COG5: variants seen among roughly 807,000 people sequenced by gnomAD.
COG5 encodes component of oligomeric golgi complex 5.
A neutral mutation model predicts 110.4 loss-of-function variants in COG5; 86 were observed. That is an observed-to-expected ratio of 0.78 (90% confidence interval 0.65 to 0.93). The LOEUF (loss-of-function observed/expected upper bound fraction) is 0.93, where lower values mean the gene tolerates loss of function less well. Ranked by LOEUF, COG5 falls within the 40% of genes least tolerant of loss-of-function variation. The probability of loss-of-function intolerance (pLI) is 0.00; values close to 1 mark genes in which losing one functional copy is unlikely to be tolerated. For missense variants in COG5, 1,077 were observed against 987.0 expected (o/e 1.09, Z -1.22); for synonymous variants, 360 against 334.6 (o/e 1.08, Z -0.83).
intron 5 of COG5, among the ~76,000 whole-genome samples, chr7:107,535,016 C>A (rs149700180): frequency 4.0e-5 from 6 of 151,748 alleles, no homozygotes; most frequent in Admixed American, 1.3e-4. Context: ...TTAAGAAATT[C>A]TCTCAAAACC....
intron 6 of COG5, among the ~76,000 whole-genome samples, chr7:107,417,056 C>T (rs1157451525): frequency 2.0e-5 from 3 of 152,082 alleles, no homozygotes; most frequent in African/African-American, 7.2e-5. Flanking sequence ...CAGCATATAT[C>T]CTCCTCCTGG....
chr7:107,327,773 G>T (rs1222658488), intron 10 of COG5, among the ~76,000 whole-genome samples: 2 of 152,144 alleles, frequency 1.3e-5, no homozygotes, highest in Non-Finnish European at 2.9e-5. Context: ...CCATTAGGAT[G>T]GCTACTATAA....
intron 18 of COG5, 67 bp from the exon 19 acceptor site, chr7:107,230,758 G>T: frequency 1.6e-6 from 2 of 1,250,044 alleles, no homozygotes; most frequent in South Asian, 1.2e-5. Flanking sequence ...GGAAAGACCC[G>T]GATCACAGAA....
intron 6 of COG5, among the ~76,000 whole-genome samples, chr7:107,523,243 C>A (rs571319531): frequency 1.3e-5 from 2 of 152,110 alleles, no homozygotes; most frequent in Non-Finnish European, 2.9e-5. Flanking sequence ...TTAGACTTAT[C>A]CTTAAGTCTG....
chr7:107,547,979 T>A (rs560024648), intron 5 of COG5, 132 bp downstream of exon 5: 1 of 750,002 alleles, frequency 1.3e-6, no homozygotes, highest in African/African-American at 1.8e-5. Context: ...GGCTTTTTAG[T>A]ATTTTTTTCT....
chr7:107,257,949 C>G (rs1803007349), intron 15 of COG5, among the ~76,000 whole-genome samples: 1 of 152,056 alleles, frequency 6.6e-6, no homozygotes, highest in African/African-American at 2.4e-5. Context: ...TAATTTACTA[C>G]CATCCACAGT....
At chr7:107,312,041 C>G (rs1808317976) in intron 11 of COG5, among the ~76,000 whole-genome samples, 1 of 151,800 alleles carries the variant, frequency 6.6e-6, no homozygotes, top group South Asian at 2.1e-4. Context: ...TTTCTGTGAA[C>G]CCATCCTAGC....
At chr7:107,348,188 T>G (rs1482911947) in intron 10 of COG5, among the ~76,000 whole-genome samples, 2 of 151,402 alleles carry the variant, frequency 1.3e-5, no homozygotes, top group Non-Finnish European at 2.9e-5. Context: ...ATTTTGATAG[T>G]TATGTCATCT....
intron 5 of COG5, among the ~76,000 whole-genome samples, chr7:107,531,177 T>G (rs1801176552): frequency 6.6e-6 from 1 of 152,190 alleles, no homozygotes; most frequent in Non-Finnish European, 1.5e-5. Context: ...TGTCCTAAAG[T>G]TTCCCACAGA....
At chr7:107,282,072 A>G (rs1805215905) in intron 13 of COG5, among the ~76,000 whole-genome samples, 1 of 152,048 alleles carries the variant, frequency 6.6e-6, no homozygotes, top group African/African-American at 2.4e-5. Context: ...AAAATAATAT[A>G]GAAACCCATA....
chr7:107,370,445 C>T (rs1814034334), intron 8 of COG5, among the ~76,000 whole-genome samples: 1 of 152,020 alleles, frequency 6.6e-6, no homozygotes, highest in African/African-American at 2.4e-5. Flanking sequence ...TCAATATAAA[C>T]AAGATCAGGA....
chr7:107,259,089 G>A (rs1021337988), intron 14 of COG5, among the ~76,000 whole-genome samples: 24 of 151,804 alleles, frequency 1.6e-4, no homozygotes, highest in Non-Finnish European at 2.5e-4. Context: ...TTAGGGAAAC[G>A]GACATGGAAT....
chr7:107,229,743 A>C (rs114821388), intron 19 of COG5, among the ~76,000 whole-genome samples: 1,660 of 149,550 alleles, frequency 0.011, 17 homozygotes, highest in African/African-American at 0.039. Context: ...TCAGTACTAA[A>C]TTTTTTGCTC....
intron 8 of COG5, among the ~76,000 whole-genome samples, chr7:107,366,015 C>A (rs1013045694): frequency 6.6e-6 from 1 of 151,942 alleles, no homozygotes; most frequent in Admixed American, 6.6e-5. Context: ...AACATAGACA[C>A]TGGGGAGGGT....
intron 10 of COG5, among the ~76,000 whole-genome samples, chr7:107,327,022 TA>T (rs1257473742): frequency 1.3e-5 from 2 of 151,516 alleles, no homozygotes; most frequent in East Asian, 3.9e-4. Context: ...AAAACCCAAA[TA>T]AAACCCATCC....
intron 7 of COG5, among the ~76,000 whole-genome samples, chr7:107,384,690 TAAG>T (rs1815421872): frequency 6.6e-6 from 1 of 152,106 alleles, no homozygotes; most frequent in African/African-American, 2.4e-5. Context: ...ATCAGTACCC[TAAG>T]AAGAAGAGAT....
chr7:107,516,343 CTT>C (rs905438727), intron 6 of COG5, among the ~76,000 whole-genome samples: 1 of 152,094 alleles, frequency 6.6e-6, no homozygotes, highest in Non-Finnish European at 1.5e-5. Context: ...AGTTTTGAGT[CTT>C]TTGATATGTC....
chr7:107,442,761 T>C (rs1010551600), intron 6 of COG5, among the ~76,000 whole-genome samples: 1 of 151,534 alleles, frequency 6.6e-6, no homozygotes, highest in Non-Finnish European at 1.5e-5. Context: ...TACGCTATAA[T>C]AGATGTGTTT....
chr7:107,490,219 A>G (rs970932945), intron 6 of COG5, among the ~76,000 whole-genome samples: 1 of 152,030 alleles, frequency 6.6e-6, no homozygotes, highest in Non-Finnish European at 1.5e-5. Flanking sequence ...CCTCCAAGAT[A>G]GGGTCTTGTT....
Sources: gnomAD v4.1 joint callset for allele counts (sites outside exome capture counted in the v4.1 genomes callset) on GRCh38, gnomAD v4.1.1 for gene constraint, MANE v1.5 for transcripts, NCBI Gene and HGNC (gene_info 2026-07-23, HGNC 2026-07-21) for gene names.